Variants in CCDC7 observed in about 807,000 individuals in gnomAD.
CCDC7 encodes coiled-coil domain-containing protein 7.
In CCDC7, 183 loss-of-function variants were observed where a neutral mutation model predicts 196.9. That is an observed-to-expected ratio of 0.93 (90% CI 0.82 to 1.05). CCDC7 has a LOEUF of 1.05. Among genes scored for constraint, CCDC7 ranks in the 50% least tolerant of loss-of-function variants. The pLI is 0.00. For synonymous variants in CCDC7, 525 were observed against 484.6 expected (o/e 1.08, Z -1.10); for missense variants, 1,540 against 1,482.2 (o/e 1.04, Z -0.64).
At chr10:32,501,293 A>G (rs1322733768) in intron 9 of CCDC7, among the ~76,000 whole-genome samples, 2 of 151,854 alleles carry the variant, frequency 1.3e-5, no homozygotes, top group Non-Finnish European at 2.9e-5. Flanking sequence ...CCTTTTTTCA[A>G]GGTTCTTAGC....
At chr10:32,644,368 C>T (rs1366580331) in intron 20 of CCDC7, among the ~76,000 whole-genome samples, 2 of 152,196 alleles carry the variant, frequency 1.3e-5, no homozygotes, top group African/African-American at 2.4e-5. Context: ...AACCCCTCCA[C>T]AGCCTCTGAT....
At chr10:32,846,326 A>G (rs1385714649) in intron 36 of CCDC7, 50 bp from the exon 38 acceptor site, 5 of 1,086,086 alleles carry the variant, frequency 4.6e-6, no homozygotes, top group Admixed American at 2.0e-5. Flanking sequence ...ATACACATGT[A>G]TGGTAATGTT....
chr10:32,763,365 T>G (rs2077754076), intron 28 of CCDC7, among the ~76,000 whole-genome samples: 1 of 151,838 alleles, frequency 6.6e-6, no homozygotes, highest in Non-Finnish European at 1.5e-5. Flanking sequence ...CATATGTTGG[T>G]GAGGTTATGG....
At chr10:32,846,094 A>T in intron 36 of CCDC7, 135 bp downstream of exon 37, 1 of 773,532 alleles carries the variant, frequency 1.3e-6, no homozygotes, top group Non-Finnish European at 2.2e-6. Context: ...ATTGGAAGAC[A>T]TATAATAAAG....
intron 21 of CCDC7, among the ~76,000 whole-genome samples, chr10:32,683,365 T>C (rs949752750): frequency 3.3e-5 from 5 of 152,216 alleles, no homozygotes; most frequent in Non-Finnish European, 5.9e-5. Context: ...TATGTTTTTA[T>C]ACCACTACCA....
chr10:32,741,354 C>A (rs2085806850), intron 28 of CCDC7, among the ~76,000 whole-genome samples: 1 of 152,198 alleles, frequency 6.6e-6, no homozygotes, highest in South Asian at 2.1e-4. Context: ...TTGCTGGAAT[C>A]TTTTCAATTA....
At chr10:32,824,748 C>CTCTA (rs1376786395) in intron 32 of CCDC7, 144 bp downstream of exon 33, 1 of 531,552 alleles carries the variant, frequency 1.9e-6, no homozygotes. Flanking sequence ...ATTAGTTGAA[C>CTCTA]TCTAGTATTA....
intron 38 of CCDC7, 103 bp from the exon 40 acceptor site, chr10:32,848,493 A>G: frequency 1.2e-6 from 1 of 865,026 alleles, no homozygotes; most frequent in South Asian, 2.0e-5. Context: ...ATGTGGGAAG[A>G]AAAATTACCA....
At chr10:32,705,056 C>T (rs1218154542) in intron 24 of CCDC7, among the ~76,000 whole-genome samples, 1 of 152,118 alleles carries the variant, frequency 6.6e-6, no homozygotes. Context: ...GTGAGATGAA[C>T]CCGGCACCTC....
chr10:32,715,242 A>T (rs149160466), intron 25 of CCDC7, among the ~76,000 whole-genome samples: 62 of 152,318 alleles, frequency 4.1e-4, no homozygotes, highest in African/African-American at 1.5e-3. Context: ...TCCGCTGGTG[A>T]TACCCAGGCA....
At chr10:32,642,537 G>T (rs113705799) in intron 20 of CCDC7, among the ~76,000 whole-genome samples, 1 of 151,726 alleles carries the variant, frequency 6.6e-6, no homozygotes, top group East Asian at 1.9e-4. Flanking sequence ...TTTTCCAGGT[G>T]CCACCTGGAA....
intron 20 of CCDC7, among the ~76,000 whole-genome samples, chr10:32,650,527 C>T (rs779480737): frequency 2.6e-5 from 4 of 152,190 alleles, no homozygotes; most frequent in African/African-American, 7.2e-5. Flanking sequence ...TTTTGGGCCA[C>T]AGGGCTCCCT....
At chr10:32,538,212 A>G (rs1045313541) in intron 11 of CCDC7, among the ~76,000 whole-genome samples, 4 of 151,844 alleles carry the variant, frequency 2.6e-5, no homozygotes, top group Admixed American at 2.6e-4. Context: ...TCACCTCCCT[A>G]GTTAGCTATA....
chr10:32,624,553 T>C (rs1405931661), intron 18 of CCDC7, among the ~76,000 whole-genome samples: 1 of 152,168 alleles, frequency 6.6e-6, no homozygotes, highest in Non-Finnish European at 1.5e-5. Flanking sequence ...TTAATATAAC[T>C]GTTGTTTATG....
At chr10:32,828,398 AAGAAGGAGAAGG>A (rs141971427) in intron 32 of CCDC7, among the ~76,000 whole-genome samples, 2 of 131,844 alleles carry the variant, frequency 1.5e-5, no homozygotes, top group East Asian at 2.8e-4. Flanking sequence ...AAAAAAGAAG[AAGAAGGAGAAGG>A]AGAAGGAGAA....
intron 39 of CCDC7, among the ~76,000 whole-genome samples, chr10:32,849,701 C>CA (rs34677799): frequency 0.02 from 1,642 of 80,436 alleles, 25 homozygotes; most frequent in South Asian, 0.048. Flanking sequence ...GACTCCGTCT[C>CA]AAAAAAAAAA....
intron 20 of CCDC7, among the ~76,000 whole-genome samples, chr10:32,644,671 C>A (rs1276184725): frequency 6.6e-6 from 1 of 152,152 alleles, no homozygotes; most frequent in East Asian, 1.9e-4. Flanking sequence ...CCCCATACTG[C>A]TGCTAGTGAA....
At chr10:32,757,307 C>G (rs2133704769) in intron 28 of CCDC7, among the ~76,000 whole-genome samples, 1 of 152,072 alleles carries the variant, frequency 6.6e-6, no homozygotes, top group South Asian at 2.1e-4. Context: ...ACATTCTTCT[C>G]AGCAGCACAT....
chr10:32,670,478 T>C (rs1429939423), intron 21 of CCDC7, among the ~76,000 whole-genome samples: 1 of 151,722 alleles, frequency 6.6e-6, no homozygotes, highest in Non-Finnish European at 1.5e-5. Context: ...GCCATGCTGG[T>C]GCGCTGCACC....
Sources: allele counts gnomAD v4.1 joint callset (sites outside exome capture counted in the v4.1 genomes callset), GRCh38; gene constraint gnomAD v4.1.1; transcripts MANE v1.5; gene names NCBI Gene and HGNC (gene_info 2026-07-23, HGNC 2026-07-21).